The following BRAF variants were observed in gnomAD, a reference collection of about 807,000 sequenced individuals.
The protein encoded by BRAF is serine/threonine-protein kinase B-raf.
A neutral mutation model predicts 104.6 loss-of-function variants in BRAF; 16 were observed. The observed-to-expected ratio is 0.15, with a 90% confidence interval of 0.10 to 0.23. The LOEUF (loss-of-function observed/expected upper bound fraction) is 0.23, where lower values mean the gene tolerates loss of function less well. Ranked by LOEUF, BRAF falls within the 10% of genes least tolerant of loss-of-function variation. The pLI is 1.00. For synonymous variants in BRAF, 310 were observed against 341.6 expected, an observed-to-expected ratio of 0.91 and a Z score of 1.02; for missense variants, 541 against 937.3, an observed-to-expected ratio of 0.58 and a Z score of 5.52.
chr7:140,900,337 CTTTA>C (rs1815457845), intron 1 of BRAF, among the ~76,000 whole-genome samples: 1 of 152,120 alleles, frequency 6.6e-6, no homozygotes, highest in Non-Finnish European at 1.5e-5. Context: ...AATAATGTCC[CTTTA>C]TTTTTCTAAA....
chr7:140,739,302 A>G (rs772987907), intron 18 of BRAF, among the ~76,000 whole-genome samples: 47 of 152,152 alleles, frequency 3.1e-4, no homozygotes, highest in Non-Finnish European at 6.3e-4. Flanking sequence ...TGTGAGTGCA[A>G]AAGCGGAGAA....
chr7:140,830,092 T>C (rs1233246720), intron 3 of BRAF, among the ~76,000 whole-genome samples: 1 of 152,314 alleles, frequency 6.6e-6, no homozygotes, highest in Non-Finnish European at 1.5e-5. Context: ...TACTTTCAAT[T>C]TGCACAAACT....
intron 3 of BRAF, among the ~76,000 whole-genome samples, chr7:140,814,244 T>A (rs1261098488): frequency 6.6e-6 from 1 of 152,210 alleles, no homozygotes; most frequent in Non-Finnish European, 1.5e-5. Context: ...CCAAGGAAAC[T>A]TTAGACCAAA....
chr7:140,726,650 T>A, intron 19 of BRAF: 3 of 807,208 alleles, frequency 3.7e-6, no homozygotes, highest in Non-Finnish European at 5.9e-6. Flanking sequence ...ATTGCTAATT[T>A]AAAAGCAAAA....
intron 1 of BRAF, among the ~76,000 whole-genome samples, chr7:140,867,723 T>C (rs531970248): frequency 1.6e-4 from 25 of 152,202 alleles, no homozygotes; most frequent in Admixed American, 3.9e-4. Context: ...AAGAGAAAAC[T>C]AGTTCAAACA....
chr7:140,896,530 A>G (rs1180966816), intron 1 of BRAF, among the ~76,000 whole-genome samples: 1 of 151,942 alleles, frequency 6.6e-6, no homozygotes, highest in Non-Finnish European at 1.5e-5. Flanking sequence ...AGAGTTTGAG[A>G]CCAGCCTGGC....
At chr7:140,764,734 C>A (rs891381100) in intron 14 of BRAF, among the ~76,000 whole-genome samples, 2 of 152,192 alleles carry the variant, frequency 1.3e-5, no homozygotes, top group African/African-American at 4.8e-5. Context: ...AGGAACCCAA[C>A]TTACAAGGGA....
At chr7:140,864,039 A>G (rs954652192) in intron 1 of BRAF, among the ~76,000 whole-genome samples, 1 of 152,266 alleles carries the variant, frequency 6.6e-6, no homozygotes, top group Non-Finnish European at 1.5e-5. Flanking sequence ...TCTAGACAAT[A>G]TAACTCTAGA....
Position 140,722,620 on chromosome 7 carries a change from T to C in BRAF, c.*3874A>G. The C allele has an allele frequency of 9.5e-7, 1 of 1,054,326 alleles. No homozygotes were observed. Among genetic ancestry groups the C allele is most frequent in the Non-Finnish European group, 1.1e-6 (1 of 872,324 alleles). The allele number at this position is 1,054,326 out of a possible 1,614,324, so 65.3% of individuals were successfully genotyped here. A position where few individuals can be genotyped will look rare whatever the true frequency, so the allele number is the denominator to read the frequency against. On this transcript the variant is annotated 3_prime_UTR_variant, in exon 20 of 20. Transcript: ENST00000644969. ...GTGCTGGTATTCCTAGCACTAACAA[T>C]GCCAACTTGGACAAAGAAGAGAATC... is the stretch of plus-strand genomic sequence containing the variant.
intron 13 of BRAF, 54 bp downstream of exon 12, chr7:140,777,937 G>T (rs2129019359): frequency 6.6e-7 from 1 of 1,522,932 alleles, no homozygotes; most frequent in East Asian, 2.3e-5. Flanking sequence ...TGGGAACCAG[G>T]AGCTAATAAA....
intron 1 of BRAF, chr7:140,884,296 T>A (rs192016059): frequency 1.3e-5 from 2 of 152,110 alleles, no homozygotes; most frequent in African/African-American, 4.8e-5. Context: ...ACACTCCTAA[T>A]TTCTAGAAGA....
intron 3 of BRAF, among the ~76,000 whole-genome samples, chr7:140,817,996 C>G (rs920908131): frequency 2.6e-5 from 4 of 151,508 alleles, no homozygotes; most frequent in African/African-American, 9.7e-5. Flanking sequence ...AGATGCTGAC[C>G]ATTACATACA....
chr7:140,786,584 C>T (rs759831107), intron 9 of BRAF, among the ~76,000 whole-genome samples: 6 of 152,082 alleles, frequency 3.9e-5, no homozygotes, highest in Non-Finnish European at 7.4e-5. Flanking sequence ...AGAGTGAATA[C>T]TAGATGAAAA....
rs535691134 is a variant in BRAF, at chr7:140,808,150, G to A, written c.609-88C>T. The A allele has an allele frequency of 1.8e-5, 19 of 1,027,322 alleles. No homozygotes were observed. In the East Asian group the frequency reaches 2.2e-4, roughly 12 times the overall value. 63.6% of individuals were successfully genotyped at this position (1,027,322 alleles called of 1,614,324 possible). A position where few individuals can be genotyped will look rare whatever the true frequency, so the allele number is the denominator to read the frequency against. ...GCTGAAGATATGAAAATTGGTTATC[G>A]AGGGGCTAGTAACAGTGAGGGAGGT... On this transcript the variant is annotated intron_variant, in intron 4 of 19. Transcript: ENST00000644969.
Position 140,800,487 on chromosome 7 carries a change from A to G in BRAF, c.861-6T>C. 1 of 1,614,144 alleles carries G rather than the reference A, an allele frequency of 6.2e-7. No individual in the cohort carries two copies. Among genetic ancestry groups the G allele is most frequent in the Non-Finnish European group, 8.5e-7 (1 of 1,179,986 alleles). ...ACTTGGAGACAAACAGCAAACTGTG[A>G]GGCAAAACAAAACAAACCTAACTTG... is the stretch of plus-strand genomic sequence containing the variant. On this transcript the variant is annotated splice_polypyrimidine_tract_variant and splice_region_variant and intron_variant, in intron 6 of 19. Transcript: ENST00000644969.
chr7:140,839,944 G>A (rs1807759096), intron 2 of BRAF, among the ~76,000 whole-genome samples: 1 of 152,030 alleles, frequency 6.6e-6, no homozygotes, highest in Non-Finnish European at 1.5e-5. Flanking sequence ...AGGTATTTTT[G>A]CCCATGAAGC....
intron 3 of BRAF, 55 bp from the exon 4 acceptor site, chr7:140,809,050 C>T: frequency 7.0e-7 from 1 of 1,422,484 alleles, no homozygotes. Context: ...TACATTTTTT[C>T]ATATCATTAA....
chr7:140,828,252 T>C (rs1247873102), intron 3 of BRAF, among the ~76,000 whole-genome samples: 3 of 152,192 alleles, frequency 2.0e-5, no homozygotes, highest in Admixed American at 6.5e-5. Flanking sequence ...CTTTAACTTT[T>C]TTCAAGCATT....
Position 140,891,578 on chromosome 7 carries a change from A to G in BRAF, c.138+32988T>C, listed in dbSNP as rs114884092. On this transcript the variant is annotated intron_variant, in intron 1 of 19. Transcript: ENST00000644969. ...ATCCTAGGATGCAGAACTTGCAGAT[A>G]TGGAGGGCCACTGTAGAAGTGGCAT... Among the ~76,000 whole-genome samples, 989 of 152,272 alleles carry G rather than the reference A, an allele frequency of 6.5e-3. 13 individuals carry two copies. Among genetic ancestry groups the G allele is most frequent in the African/African-American group, 0.023 (937 of 41,546 alleles).
Sources: gnomAD v4.1 joint callset for allele counts (sites outside exome capture counted in the v4.1 genomes callset) on GRCh38, gnomAD v4.1.1 for gene constraint, MANE v1.5 for transcripts, NCBI Gene and HGNC (gene_info 2026-07-23, HGNC 2026-07-21) for gene names.